LIMD1: variants seen among roughly 807,000 people sequenced by gnomAD.
The protein encoded by LIMD1 is LIM domain containing 1.
Under a neutral mutation model 58.4 loss-of-function variants are expected in LIMD1, and 23 were observed. That is an observed-to-expected ratio of 0.39 (90% CI 0.28 to 0.56). The LOEUF (loss-of-function observed/expected upper bound fraction) is 0.56. LIMD1 is among the 20% of genes least tolerant of loss of function. The pLI is 0.57. For missense variants in LIMD1, 838 were observed against 855.5 expected (o/e 0.98, Z 0.25); for synonymous variants, 334 against 345.5 (o/e 0.97, Z 0.37).
rs1242514662 is a variant in LIMD1, at chr3:45,636,221, C to T, written c.1480C>T (p.His494Tyr). 6.2e-7 allele frequency: 1 copy of T among 1,612,792 alleles called. No individual in the cohort carries two copies. The highest frequency in any genetic ancestry group is 8.5e-7 in the Non-Finnish European group (1 of 1,179,486). ...CTGTCAGGCCATGGGGAACCTCTAC[C>T]ATGACACATGCTTCACCTGTGCAGC... is the stretch of plus-strand genomic sequence containing the variant. ...QACQAMGNLY[H>Y]DTCFTCAACS... Residue 494 changes from histidine (H) to tyrosine (Y), a missense_variant, in exon 2 of 8, where the codon CAT becomes TAT. Physicochemically the swap from His to Tyr is moderately conservative, Grantham distance 83 (BLOSUM62 2). Coordinates refer to ENST00000273317, the MANE Select transcript of LIMD1 (RefSeq NM_014240.3).
chr3:45,604,533 G>A (rs777693908), intron 1 of LIMD1, among the ~76,000 whole-genome samples: 1 of 152,148 alleles, frequency 6.6e-6, no homozygotes, highest in Non-Finnish European at 1.5e-5. Context: ...CAGCCAGTGC[G>A]ATGGATTCAC....
chr3:45,668,171 C>A, intron 3 of LIMD1, 123 bp from the exon 4 acceptor site: 1 of 720,448 alleles, frequency 1.4e-6, no homozygotes, highest in Non-Finnish European at 2.3e-6. Context: ...TTGGGGATGA[C>A]AGAATTCTGC....
chr3:45,663,713 G>A (rs1697473165), intron 2 of LIMD1, among the ~76,000 whole-genome samples: 1 of 151,522 alleles, frequency 6.6e-6, no homozygotes, highest in African/African-American at 2.4e-5. Context: ...TGTGTCTTAG[G>A]TACTAATACT....
At chr3:45,636,995 T>C (rs1404790947) in intron 2 of LIMD1, among the ~76,000 whole-genome samples, 4 of 152,226 alleles carry the variant, frequency 2.6e-5, no homozygotes, top group Admixed American at 2.6e-4. Context: ...GTCCTACTTA[T>C]ATTCTCAATC....
Position 45,597,041 on chromosome 3 carries a change from A to T in LIMD1, c.1408+754A>T, listed in dbSNP as rs775236334. Among the ~76,000 whole-genome samples, 642 of 122,596 alleles carry T rather than the reference A, an allele frequency of 5.2e-3. 3 individuals carry two copies. Among genetic ancestry groups the T allele is most frequent in the Non-Finnish European group, 8.7e-3 (488 of 56,344 alleles). 80.4% of individuals were successfully genotyped at this position (122,596 alleles called of 152,430 possible). ...CACACCTGGCTAATTTTTTTTTTTT[A>T]AGTAGAGACAGGGTTTCACTGCGCT... On this transcript the variant is annotated intron_variant, in intron 1 of 7. Transcript: ENST00000273317.
intron 4 of LIMD1, among the ~76,000 whole-genome samples, chr3:45,670,605 G>C (rs1258982272): frequency 6.6e-6 from 1 of 152,206 alleles, no homozygotes; most frequent in South Asian, 2.1e-4. Flanking sequence ...CTTACAGCAA[G>C]AGATAGGAAG....
chr3:45,621,061 T>G (rs1268949798), intron 1 of LIMD1, among the ~76,000 whole-genome samples: 1 of 152,174 alleles, frequency 6.6e-6, no homozygotes, highest in African/African-American at 2.4e-5. Context: ...CGGGACAGCA[T>G]GCAAGATAAT....
At chr3:45,638,135 C>T (rs975426368) in intron 2 of LIMD1, among the ~76,000 whole-genome samples, 1 of 151,638 alleles carries the variant, frequency 6.6e-6, no homozygotes, top group South Asian at 2.1e-4. Flanking sequence ...AAATTGATTT[C>T]AACATTCCTG....
intron 6 of LIMD1, 80 bp downstream of exon 6, chr3:45,673,585 C>G: frequency 8.7e-7 from 1 of 1,144,080 alleles, no homozygotes; most frequent in South Asian, 1.2e-5. Context: ...AGATCCATGT[C>G]CTGTCCTTAC....
intron 1 of LIMD1, among the ~76,000 whole-genome samples, chr3:45,597,046 G>T (rs182777033): frequency 1.3e-5 from 2 of 150,202 alleles, no homozygotes; most frequent in Admixed American, 1.3e-4. Context: ...TTTTTAAGTA[G>T]AGACAGGGTT....
At chr3:45,649,849 T>TTG (rs1701949008) in intron 2 of LIMD1, among the ~76,000 whole-genome samples, 1 of 34,930 alleles carries the variant, frequency 2.9e-5, no homozygotes, top group Non-Finnish European at 4.3e-5. Context: ...AGTTTTTTTG[T>TTG]TTTTTTTTTT....
chr3:45,649,762 T>A lies in LIMD1; in HGVS notation c.1510+13511T>A, dbSNP rs574791910. ...TATTTATATATAATTATATATTTTA[T>A]ATATATAATTATATATATAAAATAT... On this transcript the variant is annotated intron_variant, in intron 2 of 7. Coordinates refer to ENST00000273317, the MANE Select transcript of LIMD1 (RefSeq NM_014240.3). Among the ~76,000 whole-genome samples the A allele has an allele frequency of 1.1e-4, 16 of 145,736 alleles. No individual in the cohort carries two copies. In the South Asian group the frequency reaches 2.1e-3, roughly 19 times the overall value.
At chr3:45,628,685 A>G (rs1002690082) in intron 1 of LIMD1, among the ~76,000 whole-genome samples, 76 of 152,242 alleles carry the variant, frequency 5.0e-4, no homozygotes, top group African/African-American at 1.8e-3. Flanking sequence ...GTGCAAATGT[A>G]TGTCCATTAC....
rs11719459 is a variant in LIMD1 at position 45,667,364 on chromosome 3, G to T, written c.1579-930G>T. On this transcript the variant is annotated intron_variant, in intron 3 of 7. Coordinates refer to ENST00000273317, the MANE Select transcript of LIMD1 (RefSeq NM_014240.3). ...CCACGTGGTGTGGAGCTGGGGGCTG[G>T]ATCTCAAATGAAAATAGAGAGCTAT... 5.2e-3 allele frequency among the ~76,000 whole-genome samples: 790 copies of T among 152,296 alleles called. 4 individuals are homozygous for T. The highest frequency in any genetic ancestry group is 9.2e-3 in the Non-Finnish European group (623 of 68,034).
chr3:45,649,739 T>TA (rs1701945447), intron 2 of LIMD1, among the ~76,000 whole-genome samples: 1 of 145,928 alleles, frequency 6.9e-6, no homozygotes, highest in African/African-American at 2.5e-5. Context: ...TATAGATATA[T>TA]TTATATATAA....
At chr3:45,656,697 T>C (rs1218659730) in intron 2 of LIMD1, among the ~76,000 whole-genome samples, 6 of 152,070 alleles carry the variant, frequency 3.9e-5, no homozygotes, top group African/African-American at 1.4e-4. Context: ...TTTGTATTTT[T>C]AGTAGGGACG....
At chr3:45,596,966 A>T (rs1032248172) in intron 1 of LIMD1, among the ~76,000 whole-genome samples, 1 of 151,130 alleles carries the variant, frequency 6.6e-6, no homozygotes, top group Non-Finnish European at 1.5e-5. Context: ...GGTTCAAGCA[A>T]TTCTCCTGCC....
chr3:45,654,104 A>G (rs771484793), intron 2 of LIMD1, among the ~76,000 whole-genome samples: 2 of 152,192 alleles, frequency 1.3e-5, no homozygotes, highest in Non-Finnish European at 2.9e-5. Flanking sequence ...ATCTTAATTG[A>G]TTTAAACTTA....
At chr3:45,627,550 G>T (rs1701678356) in intron 1 of LIMD1, among the ~76,000 whole-genome samples, 1 of 152,068 alleles carries the variant, frequency 6.6e-6, no homozygotes, top group Admixed American at 6.5e-5. Context: ...CAGCACTTTG[G>T]GAGGCCAAGA....
Sources: gnomAD v4.1 joint callset for allele counts (sites outside exome capture counted in the v4.1 genomes callset) on GRCh38, gnomAD v4.1.1 for gene constraint, MANE v1.5 for transcripts, NCBI Gene and HGNC (gene_info 2026-07-23, HGNC 2026-07-21) for gene names.